CERS3: variants seen among roughly 807,000 people sequenced by gnomAD.
CERS3 encodes ceramide synthase 3.
CERS3 carries 33 observed loss-of-function variants against 50.3 expected under a neutral mutation model. The ratio of observed to expected loss-of-function variants is 0.66; its 90% CI spans 0.50 to 0.88. The LOEUF is 0.88. Among genes scored for constraint, CERS3 ranks in the 40% least tolerant of loss-of-function variants. The probability of loss-of-function intolerance (pLI) is 0.00; values close to 1 mark genes in which losing one functional copy is unlikely to be tolerated. For synonymous variants in CERS3, 176 were observed against 155.2 expected (o/e 1.13, Z -0.99); for missense variants, 470 against 460.3 (o/e 1.02, Z -0.19).
At chr15:100,497,921 G>A (rs1303339955) in intron 3 of CERS3, among the ~76,000 whole-genome samples, 1 of 142,806 alleles carries the variant, frequency 7.0e-6, no homozygotes, top group African/African-American at 2.7e-5. Flanking sequence ...TTGAGATGGA[G>A]TCTCACTCTG....
At chr15:100,434,255 T>A (rs1295136681) in intron 11 of CERS3, among the ~76,000 whole-genome samples, 2 of 152,224 alleles carry the variant, frequency 1.3e-5, no homozygotes, top group Middle Eastern at 3.2e-3. Context: ...TCATTGGCCA[T>A]GGATCCACGC....
intron 1 of CERS3, among the ~76,000 whole-genome samples, chr15:100,522,817 G>A (rs1322994860): frequency 6.6e-6 from 1 of 152,154 alleles, no homozygotes; most frequent in African/African-American, 2.4e-5. Flanking sequence ...AGGTAAATAC[G>A]TGAATGCATT....
chr15:100,469,126 C>A (rs2034879438), intron 10 of CERS3, among the ~76,000 whole-genome samples: 1 of 152,208 alleles, frequency 6.6e-6, no homozygotes, highest in Non-Finnish European at 1.5e-5. Flanking sequence ...TGAAACAAGA[C>A]AGAGTAAGAG....
Position 100,482,058 on chromosome 15 carries a change from C to T in CERS3, c.408-2012G>A, listed in dbSNP as rs772212972. ...AGTAAATACCAATAGGTATAACACA[C>T]ACAAATGCTCTTTGGCATTTCCAAG... On this transcript the variant is annotated intron_variant, in intron 5 of 11. Transcript: ENST00000679737. 3.3e-5 allele frequency among the ~76,000 whole-genome samples: 5 copies of T among 152,172 alleles called. 1 individual carries two copies. The highest frequency in any genetic ancestry group is 7.3e-5 in the Non-Finnish European group (5 of 68,042).
chr15:100,410,950 C>T (rs1033244551), intron 11 of CERS3, among the ~76,000 whole-genome samples: 2 of 152,156 alleles, frequency 1.3e-5, no homozygotes, highest in African/African-American at 4.8e-5. Context: ...ATTCTGTACC[C>T]ATTAACAATA....
chr15:100,492,196 A>G (rs56406951), intron 3 of CERS3, among the ~76,000 whole-genome samples: 125 of 152,310 alleles, frequency 8.2e-4, no homozygotes, highest in Non-Finnish European at 1.6e-3. Context: ...AGAGTGTTCT[A>G]TAGATGTTTG....
At chr15:100,429,924 AC>A (rs778762307) in intron 11 of CERS3, among the ~76,000 whole-genome samples, 1 of 152,074 alleles carries the variant, frequency 6.6e-6, no homozygotes, top group Non-Finnish European at 1.5e-5. Context: ...TTTTGGCTTT[AC>A]TTTTGGTGTA....
At chr15:100,437,493 CTG>C (rs1245829439) in intron 11 of CERS3, among the ~76,000 whole-genome samples, 1 of 152,166 alleles carries the variant, frequency 6.6e-6, no homozygotes, top group Non-Finnish European at 1.5e-5. Context: ...GCTTAGAAAA[CTG>C]TCACTGGAGC....
In CERS3 at chr15:100,417,797, A is replaced by G. The variant is rs561349543; in HGVS notation, c.1000-14932T>C. Among the ~76,000 whole-genome samples the G allele has an allele frequency of 2.6e-3, 399 of 151,302 alleles. 16 individuals are homozygous for G. The highest frequency in any genetic ancestry group is 9.1e-3 in the African/African-American group (368 of 40,616). On this transcript the variant is annotated intron_variant, in intron 11 of 11. Transcript: ENST00000679737. ...CCCTGACCCCTGGGCAGCCTAACTGAGAGGCACCCCCCAGCAAGGGCACAC... is the reference window on the plus strand; with the variant it reads ...CCCTGACCCCTGGGCAGCCTAACTGGGAGGCACCCCCCAGCAAGGGCACAC...
chr15:100,510,008 C>T (rs768826102), intron 2 of CERS3, among the ~76,000 whole-genome samples: 21 of 141,086 alleles, frequency 1.5e-4, no homozygotes, highest in Non-Finnish European at 2.0e-4. Flanking sequence ...TCTTTGGAAC[C>T]AGCTCTACAA....
chr15:100,523,169 T>C (rs966133555), intron 1 of CERS3, among the ~76,000 whole-genome samples: 1 of 152,204 alleles, frequency 6.6e-6, no homozygotes, highest in Non-Finnish European at 1.5e-5. Flanking sequence ...TTTTCTGTTG[T>C]GGCGGTCTAT....
intron 11 of CERS3, among the ~76,000 whole-genome samples, chr15:100,453,891 A>G (rs936840333): frequency 1.3e-5 from 2 of 152,226 alleles, no homozygotes; most frequent in African/African-American, 4.8e-5. Flanking sequence ...TCCCATTTAC[A>G]ATAACTACAA....
At chr15:100,518,702 G>A (rs1279313263) in intron 2 of CERS3, among the ~76,000 whole-genome samples, 1 of 152,184 alleles carries the variant, frequency 6.6e-6, no homozygotes, top group Non-Finnish European at 1.5e-5. Context: ...GGATTTCCTA[G>A]CTCGACACCA....
chr15:100,452,928 C>T lies in CERS3; in HGVS notation c.999+2965G>A, dbSNP rs116806082. Among the ~76,000 whole-genome samples the T allele has an allele frequency of 3.7e-3, 558 of 152,086 alleles. 6 individuals carry two copies. Among genetic ancestry groups the T allele is most frequent in the African/African-American group, 0.013 (524 of 41,516 alleles). ...TGGTTAAATTCATAAACACATACAA[C>T]GTCCCAAGGCTGATTGAGGAAGAAA... is the stretch of plus-strand genomic sequence containing the variant. On this transcript the variant is annotated intron_variant, in intron 11 of 11. Coordinates refer to ENST00000679737, the MANE Select transcript of CERS3 (RefSeq NM_001378789.1).
chr15:100,424,908 C>T (rs1486573849), intron 11 of CERS3, among the ~76,000 whole-genome samples: 1 of 152,172 alleles, frequency 6.6e-6, no homozygotes, highest in Non-Finnish European at 1.5e-5. Flanking sequence ...GGAAAAATGC[C>T]TCCAAGGCAT....
chr15:100,459,144 C>A (rs2142205659), intron 10 of CERS3, among the ~76,000 whole-genome samples: 1 of 152,342 alleles, frequency 6.6e-6, no homozygotes, highest in South Asian at 2.1e-4. Flanking sequence ...GAGCCATAGC[C>A]TGCCAACCCC....
At chr15:100,482,153 A>C (rs80075450) in intron 5 of CERS3, among the ~76,000 whole-genome samples, 386 of 152,326 alleles carry the variant, frequency 2.5e-3, no homozygotes, top group African/African-American at 8.8e-3. Context: ...TGAAAAGATG[A>C]ATGATAATAT....
intron 11 of CERS3, among the ~76,000 whole-genome samples, chr15:100,432,639 C>T (rs2033191395): frequency 6.6e-6 from 1 of 152,148 alleles, no homozygotes; most frequent in Non-Finnish European, 1.5e-5. Context: ...CTAGGTATAA[C>T]ATTTAAATAA....
At chr15:100,493,044 T>C (rs2035699150) in intron 3 of CERS3, among the ~76,000 whole-genome samples, 1 of 152,204 alleles carries the variant, frequency 6.6e-6, no homozygotes, top group Non-Finnish European at 1.5e-5. Context: ...AACACAGATT[T>C]AGATTATTGT....
Sources: gnomAD v4.1 joint callset for allele counts (sites outside exome capture counted in the v4.1 genomes callset) on GRCh38, gnomAD v4.1.1 for gene constraint, MANE v1.5 for transcripts, NCBI Gene and HGNC (gene_info 2026-07-23, HGNC 2026-07-21) for gene names.